ASCC3: variants seen among roughly 807,000 people sequenced by gnomAD.
ASCC3 encodes the protein activating signal cointegrator 1 complex subunit 3.
In ASCC3, 158 loss-of-function variants were observed where a neutral mutation model predicts 256.3. The ratio of observed to expected loss-of-function variants is 0.62; its 90% CI spans 0.54 to 0.70. The LOEUF is 0.70. Ranked by LOEUF, ASCC3 falls within the 30% of genes least tolerant of loss-of-function variation. The pLI, the probability that ASCC3 is intolerant of heterozygous loss-of-function variation, is 0.00. For synonymous variants in ASCC3, 948 were observed against 883.4 expected (o/e 1.07, Z -1.30); for missense variants, 2,259 against 2,626.0 (o/e 0.86, Z 3.05).
chr6:100,727,101 G>T (rs766537939), intron 10 of ASCC3, among the ~76,000 whole-genome samples: 1 of 152,014 alleles, frequency 6.6e-6, no homozygotes, highest in Non-Finnish European at 1.5e-5. Context: ...GCTGTATATA[G>T]TAAAATTACA....
In ASCC3 at chr6:100,664,650, T is replaced by G. The variant is rs143621336; in HGVS notation, c.2287-2114A>C. 1.8e-3 allele frequency among the ~76,000 whole-genome samples: 277 copies of G among 152,278 alleles called. 1 individual carries two copies. The highest frequency in any genetic ancestry group is 3.3e-3 in the Admixed American group (50 of 15,276). ...TTTATACATATACTTTAGGACTAATTACACTTGGATCTCATTGCCTCAGCT... is the reference window on the plus strand; with the variant it reads ...TTTATACATATACTTTAGGACTAATGACACTTGGATCTCATTGCCTCAGCT... On this transcript the variant is annotated intron_variant, in intron 14 of 41. Transcript: ENST00000369162.
At chr6:100,828,453 T>C (rs770011014) in intron 4 of ASCC3, among the ~76,000 whole-genome samples, 6 of 152,162 alleles carry the variant, frequency 3.9e-5, no homozygotes, top group Non-Finnish European at 8.8e-5. Context: ...GTGTCCGGAA[T>C]TGGTGGGTTC....
intron 12 of ASCC3, among the ~76,000 whole-genome samples, chr6:100,717,727 G>A (rs1582748992): frequency 6.6e-6 from 1 of 152,080 alleles, no homozygotes; most frequent in African/African-American, 2.4e-5. Flanking sequence ...TATATTACTT[G>A]TTTAATTGGA....
intron 13 of ASCC3, among the ~76,000 whole-genome samples, chr6:100,700,886 G>A (rs1410942671): frequency 1.3e-5 from 2 of 152,158 alleles, no homozygotes; most frequent in African/African-American, 4.8e-5. Flanking sequence ...TCCCTTGTCT[G>A]GATGAGACTT....
intron 13 of ASCC3, among the ~76,000 whole-genome samples, chr6:100,693,662 A>T (rs527483457): frequency 6.6e-6 from 1 of 152,288 alleles, no homozygotes; most frequent in South Asian, 2.1e-4. Flanking sequence ...GACAAAGTAG[A>T]TGACCAAATT....
chr6:100,794,637 T>C (rs1288167757), intron 8 of ASCC3, among the ~76,000 whole-genome samples: 1 of 152,076 alleles, frequency 6.6e-6, no homozygotes, highest in Non-Finnish European at 1.5e-5. Context: ...CTTAGCCGAA[T>C]AAGCACAGGA....
intron 36 of ASCC3, among the ~76,000 whole-genome samples, chr6:100,587,131 C>T (rs547261147): frequency 1.3e-5 from 2 of 152,034 alleles, no homozygotes; most frequent in African/African-American, 2.4e-5. Context: ...TAATGTTATC[C>T]CCACAGCTTT....
intron 4 of ASCC3, among the ~76,000 whole-genome samples, chr6:100,810,866 T>C (rs552930102): frequency 6.6e-6 from 1 of 152,238 alleles, no homozygotes; most frequent in African/African-American, 2.4e-5. Flanking sequence ...TTAAGATTCC[T>C]AAAAAGCTGA....
rs77070754 is a variant in ASCC3, at chr6:100,696,964, T to A, written c.2152-17212A>T. On this transcript the variant is annotated intron_variant, in intron 13 of 41. Coordinates refer to ENST00000369162, the MANE Select transcript of ASCC3 (RefSeq NM_006828.4). ...TAATCATGAAATCACACAAATAAAT[T>A]GCCAAATAATCTAATGCATTCAACT... 5.3e-3 allele frequency among the ~76,000 whole-genome samples: 802 copies of A among 152,170 alleles called. 8 individuals are homozygous for A. Among genetic ancestry groups the A allele is most frequent in the African/African-American group, 0.019 (772 of 41,560 alleles).
chr6:100,828,241 G>T (rs1389284208), intron 4 of ASCC3, among the ~76,000 whole-genome samples: 1 of 152,032 alleles, frequency 6.6e-6, no homozygotes, highest in Non-Finnish European at 1.5e-5. Context: ...TATGTAACTG[G>T]AACTAGTTAA....
Position 100,576,346 on chromosome 6 carries a change from T to C in ASCC3, c.5550+13288A>G, listed in dbSNP as rs575903423. Reference sequence around the variant, plus strand: ...GTTAGTACTTAAGCTCTGTATTTAATACTTATAATTCTAGTTACAAGGTCA... The same window carrying C: ...GTTAGTACTTAAGCTCTGTATTTAACACTTATAATTCTAGTTACAAGGTCA... On this transcript the variant is annotated intron_variant, in intron 36 of 41. Coordinates refer to ENST00000369162, the MANE Select transcript of ASCC3 (RefSeq NM_006828.4). Among the ~76,000 whole-genome samples, 14 of 152,248 alleles carry C rather than the reference T, an allele frequency of 9.2e-5. No individual in the cohort carries two copies. In the East Asian group the frequency reaches 2.7e-3, roughly 29 times the overall value.
intron 30 of ASCC3, among the ~76,000 whole-genome samples, chr6:100,613,639 A>G (rs1178527552): frequency 6.6e-6 from 1 of 152,140 alleles, no homozygotes. Flanking sequence ...CAATAAATAT[A>G]TGAGTGCAGG....
At chr6:100,845,833 A>T (rs1401202934) in intron 4 of ASCC3, among the ~76,000 whole-genome samples, 1 of 152,208 alleles carries the variant, frequency 6.6e-6, no homozygotes, top group African/African-American at 2.4e-5. Flanking sequence ...TGGATTTATC[A>T]TCAATTAGTC....
chr6:100,586,479 C>T (rs1046780056), intron 36 of ASCC3, among the ~76,000 whole-genome samples: 14 of 152,142 alleles, frequency 9.2e-5, no homozygotes, highest in Non-Finnish European at 1.6e-4. Flanking sequence ...TTCCAGGTGC[C>T]GTCTGTCACC....
At chr6:100,743,209 T>C (rs1780516349) in intron 10 of ASCC3, among the ~76,000 whole-genome samples, 1 of 152,182 alleles carries the variant, frequency 6.6e-6, no homozygotes, top group Admixed American at 6.5e-5. Flanking sequence ...GTGCCACTCT[T>C]GGGTGGGCCA....
rs771405448 is a variant in ASCC3, at chr6:100,627,953, T to A, written c.4410A>T (p.Val1470=). The change falls in exon 28 of 42, where the codon GTA becomes GTT. Residue 1470 remains valine (V), a synonymous_variant. Transcript: ENST00000369162. Reference sequence around the variant, plus strand: ...GTGATGAGATAAAATTTGTTCGAGATACAATGACCTCTAGAACAGGGCCTC... The same window carrying A: ...GTGATGAGATAAAATTTGTTCGAGAAACAATGACCTCTAGAACAGGGCCTC... ...EERGPVLEVI[V]SRTNFISSHT... is the part of the protein sequence containing the mutation. The A allele has an allele frequency of 1.2e-6, 2 of 1,613,556 alleles. No individual in the cohort carries two copies. Among genetic ancestry groups the A allele is most frequent in the Admixed American group, 3.3e-5 (2 of 59,910 alleles).
chr6:100,619,186 C>T (rs75823563), intron 30 of ASCC3, among the ~76,000 whole-genome samples: 4,611 of 152,124 alleles, frequency 0.03, 77 homozygotes, highest in African/African-American at 0.055. Flanking sequence ...AAATCACAGA[C>T]AAAAAACCAC....
chr6:100,669,536 C>A lies in ASCC3; in HGVS notation c.2287-7000G>T, dbSNP rs1239498408. ...TTCTCATTAACTTAATGTGTAAAAT[C>A]AATGCACTAACTTAACTAAAATATG... On this transcript the variant is annotated intron_variant, in intron 14 of 41. Coordinates refer to ENST00000369162, the MANE Select transcript of ASCC3 (RefSeq NM_006828.4). 1.4e-4 allele frequency among the ~76,000 whole-genome samples: 21 copies of A among 151,510 alleles called. No homozygotes were observed. In the Admixed American group the frequency reaches 1.4e-3, roughly 10 times the overall value.
intron 12 of ASCC3, among the ~76,000 whole-genome samples, chr6:100,717,221 A>C (rs974421005): frequency 6.6e-6 from 1 of 151,962 alleles, no homozygotes; most frequent in Non-Finnish European, 1.5e-5. Flanking sequence ...TTTTAGGTGA[A>C]TATTTTACCT....
Sources: allele counts gnomAD v4.1 joint callset (sites outside exome capture counted in the v4.1 genomes callset), GRCh38; gene constraint gnomAD v4.1.1; transcripts MANE v1.5; gene names NCBI Gene and HGNC (gene_info 2026-07-23, HGNC 2026-07-21).